The following NKAIN2 variants were observed in gnomAD, a reference collection of about 807,000 sequenced individuals.
The protein encoded by NKAIN2 is sodium/potassium transporting ATPase interacting 2.
A neutral mutation model predicts 32.6 loss-of-function variants in NKAIN2; 14 were observed. The ratio of observed to expected loss-of-function variants is 0.43; its 90% CI spans 0.28 to 0.67. The LOEUF (loss-of-function observed/expected upper bound fraction) is 0.67. NKAIN2 is among the 30% of genes least tolerant of loss of function. The pLI is 0.17. For missense variants in NKAIN2, 198 were observed against 258.3 expected (o/e 0.77, Z 1.60); for synonymous variants, 80 against 87.2 (o/e 0.92, Z 0.46).
At chr6:124,812,121 C>T (rs1780930069) in intron 5 of NKAIN2, among the ~76,000 whole-genome samples, 1 of 152,136 alleles carries the variant, frequency 6.6e-6, no homozygotes. Flanking sequence ...CATGTCCTAA[C>T]CTCTTTCTTT....
At chr6:124,129,606 C>G (rs7767878) in intron 1 of NKAIN2, among the ~76,000 whole-genome samples, 13 of 152,180 alleles carry the variant, frequency 8.5e-5, no homozygotes, top group Non-Finnish European at 1.3e-4. Context: ...CGTTTCTTTT[C>G]TCCTTCTGAA....
intron 4 of NKAIN2, among the ~76,000 whole-genome samples, chr6:124,716,099 C>A (rs964235993): frequency 1.3e-5 from 2 of 152,170 alleles, no homozygotes; most frequent in African/African-American, 4.8e-5. Flanking sequence ...TTAAAAGATA[C>A]ACAGAGAAGT....
intron 1 of NKAIN2, among the ~76,000 whole-genome samples, chr6:123,826,438 C>T (rs543948101): frequency 6.6e-6 from 1 of 152,160 alleles, no homozygotes; most frequent in African/African-American, 2.4e-5. Flanking sequence ...TATTGTGGTG[C>T]AACCATCACC....
intron 3 of NKAIN2, among the ~76,000 whole-genome samples, chr6:124,575,161 C>A (rs900022819): frequency 4.6e-5 from 7 of 152,150 alleles, no homozygotes; most frequent in African/African-American, 1.7e-4. Context: ...GGACTCCTAA[C>A]CTTTAGGGGA....
chr6:124,804,936 G>T (rs1212685374), intron 5 of NKAIN2, among the ~76,000 whole-genome samples: 1 of 152,218 alleles, frequency 6.6e-6, no homozygotes, highest in East Asian at 1.9e-4. Flanking sequence ...CAGCGAGGCT[G>T]GGGGAAGGGC....
At chr6:124,390,290 G>T (rs1773086699) in intron 3 of NKAIN2, among the ~76,000 whole-genome samples, 1 of 152,014 alleles carries the variant, frequency 6.6e-6, no homozygotes, top group Non-Finnish European at 1.5e-5. Context: ...GGGAGCTTGG[G>T]ACATGGCTGT....
At chr6:124,643,218 C>T (rs1784053853) in intron 3 of NKAIN2, among the ~76,000 whole-genome samples, 1 of 152,128 alleles carries the variant, frequency 6.6e-6, no homozygotes, top group East Asian at 1.9e-4. Context: ...CACTTAGGTC[C>T]CTCTTCAATC....
intron 3 of NKAIN2, among the ~76,000 whole-genome samples, chr6:124,508,066 A>T (rs1299979276): frequency 6.7e-6 from 1 of 148,632 alleles, no homozygotes; most frequent in Non-Finnish European, 1.5e-5. Flanking sequence ...CAGCCTGGGC[A>T]ATATGGTGAG....
chr6:124,484,432 C>A (rs952481442), intron 3 of NKAIN2, among the ~76,000 whole-genome samples: 3 of 152,100 alleles, frequency 2.0e-5, no homozygotes, highest in Non-Finnish European at 2.9e-5. Context: ...AAATGGAATC[C>A]TTTTACTTAA....
chr6:124,624,772 G>T (rs1441865115), intron 3 of NKAIN2, among the ~76,000 whole-genome samples: 1 of 152,132 alleles, frequency 6.6e-6, no homozygotes, highest in Non-Finnish European at 1.5e-5. Context: ...TGTGGTTTGT[G>T]TTTGTCTTGA....
chr6:123,976,084 T>C (rs1778554559), intron 1 of NKAIN2, among the ~76,000 whole-genome samples: 2 of 151,452 alleles, frequency 1.3e-5, no homozygotes, highest in Non-Finnish European at 2.9e-5. Flanking sequence ...ATGTCCCACG[T>C]GCCTTTTGCC....
chr6:124,359,412 T>C (rs565877492), intron 3 of NKAIN2, among the ~76,000 whole-genome samples: 29 of 152,330 alleles, frequency 1.9e-4, no homozygotes, highest in Non-Finnish European at 3.5e-4. Context: ...GAGCATGGAA[T>C]GTTCTTCCAT....
chr6:124,129,218 G>C (rs1183637435), intron 1 of NKAIN2, among the ~76,000 whole-genome samples: 3 of 152,024 alleles, frequency 2.0e-5, no homozygotes, highest in Non-Finnish European at 4.4e-5. Flanking sequence ...TTTTTGTCAA[G>C]AGTTGAAAAT....
intron 3 of NKAIN2, among the ~76,000 whole-genome samples, chr6:124,627,087 T>C (rs888396928): frequency 2.6e-5 from 4 of 152,096 alleles, no homozygotes; most frequent in African/African-American, 2.4e-5. Flanking sequence ...CTGGCCATGA[T>C]GGCAAAATTC....
At chr6:124,664,964 G>T (rs541949756) in intron 4 of NKAIN2, among the ~76,000 whole-genome samples, 1 of 152,010 alleles carries the variant, frequency 6.6e-6, no homozygotes, top group South Asian at 2.1e-4. Context: ...AATCACAGTG[G>T]TATTCAAATT....
intron 1 of NKAIN2, among the ~76,000 whole-genome samples, chr6:123,818,354 AAC>A (rs36066775): frequency 0.31 from 44,851 of 143,996 alleles, 7,344 homozygotes; most frequent in Middle Eastern, 0.42. Flanking sequence ...TTCTTGTGGA[AAC>A]ACACACACAC....
chr6:124,305,319 G>C (rs575122874), intron 2 of NKAIN2, among the ~76,000 whole-genome samples: 3 of 152,144 alleles, frequency 2.0e-5, no homozygotes, highest in African/African-American at 7.2e-5. Context: ...ATCAAACAAG[G>C]GACAATGAGG....
intron 3 of NKAIN2, among the ~76,000 whole-genome samples, chr6:124,394,827 G>A (rs549960149): frequency 6.6e-6 from 1 of 152,194 alleles, no homozygotes; most frequent in East Asian, 1.9e-4. Context: ...ACCCATAATA[G>A]TGTTTGACCA....
intron 3 of NKAIN2, among the ~76,000 whole-genome samples, chr6:124,443,510 G>A (rs771113931): frequency 3.2e-4 from 48 of 152,068 alleles, no homozygotes; most frequent in Non-Finnish European, 6.0e-4. Context: ...GATAACACTT[G>A]TTTGTTTGAG....
Sources: gnomAD v4.1 joint callset for allele counts (sites outside exome capture counted in the v4.1 genomes callset) on GRCh38, gnomAD v4.1.1 for gene constraint, MANE v1.5 for transcripts, NCBI Gene and HGNC (gene_info 2026-07-23, HGNC 2026-07-21) for gene names.